Variants in PCDH15 observed in about 807,000 individuals in gnomAD.
PCDH15 encodes the protein protocadherin-15.
Under a neutral mutation model 178.5 loss-of-function variants are expected in PCDH15, and 129 were observed. The observed-to-expected ratio is 0.72, with a 90% CI of 0.63 to 0.84. The LOEUF is 0.84. Among genes scored for constraint, PCDH15 ranks in the 40% least tolerant of loss-of-function variants. The pLI is 0.00. For missense variants in PCDH15, 2,230 were observed against 2,099.9 expected, an observed-to-expected ratio of 1.06 and a Z score of -1.21; for synonymous variants, 800 against 732.0, an observed-to-expected ratio of 1.09 and a Z score of -1.50.
intron 1 of PCDH15, among the ~76,000 whole-genome samples, chr10:55,170,971 T>G (rs2132123100): frequency 6.6e-6 from 1 of 152,346 alleles, no homozygotes; most frequent in Admixed American, 6.5e-5. Context: ...ATACCTCACT[T>G]CCTGATGTAT....
intron 21 of PCDH15, among the ~76,000 whole-genome samples, chr10:53,990,259 G>A (rs1037140216): frequency 6.6e-6 from 1 of 151,896 alleles, no homozygotes; most frequent in Non-Finnish European, 1.5e-5. Context: ...GCTCTGAAAC[G>A]CTACAATAGT....
chr10:53,921,118 A>T (rs1394744405), intron 25 of PCDH15, among the ~76,000 whole-genome samples: 1 of 152,160 alleles, frequency 6.6e-6, no homozygotes, highest in Non-Finnish European at 1.5e-5. Context: ...AGTTCTTGCA[A>T]TATGTCATTA....
chr10:54,690,102 G>A (rs2095091048), intron 1 of PCDH15, among the ~76,000 whole-genome samples: 1 of 152,040 alleles, frequency 6.6e-6, no homozygotes, highest in Admixed American at 6.6e-5. Flanking sequence ...AGATTGGAAT[G>A]GAGCTGAAAA....
intron 15 of PCDH15, among the ~76,000 whole-genome samples, chr10:54,114,833 G>A (rs1380987056): frequency 6.6e-6 from 1 of 152,054 alleles, no homozygotes; most frequent in Non-Finnish European, 1.5e-5. Context: ...TGTTCCAGGA[G>A]GTCAGTAAGG....
intron 2 of PCDH15, among the ~76,000 whole-genome samples, chr10:55,358,954 G>A (rs1845149123): frequency 6.6e-6 from 1 of 152,038 alleles, no homozygotes; most frequent in Admixed American, 6.6e-5. Context: ...CGCTTTAAGA[G>A]GCTGAAATGG....
intron 2 of PCDH15, among the ~76,000 whole-genome samples, chr10:55,482,289 T>G (rs983006770): frequency 6.6e-6 from 1 of 151,854 alleles, no homozygotes; most frequent in Non-Finnish European, 1.5e-5. Context: ...AGATTGCCAC[T>G]CTGTGTCTTT....
intron 1 of PCDH15, among the ~76,000 whole-genome samples, chr10:54,726,434 GTGTGTGT>G (rs1566051967): frequency 0.032 from 4,751 of 150,164 alleles, 241 homozygotes; most frequent in African/African-American, 0.11. Context: ...GTGTGTGTGT[GTGTGTGT>G]GTGTGTGTGT....
At chr10:55,499,875 A>C (rs922926697) in intron 2 of PCDH15, among the ~76,000 whole-genome samples, 4 of 151,784 alleles carry the variant, frequency 2.6e-5, no homozygotes. Flanking sequence ...TAGGCTAAGT[A>C]AATGTGAAAG....
At chr10:54,949,213 G>T (rs1013810741) in intron 2 of PCDH15, among the ~76,000 whole-genome samples, 2 of 151,872 alleles carry the variant, frequency 1.3e-5, no homozygotes, top group African/African-American at 4.8e-5. Context: ...AGGAAACAAA[G>T]TTAATTGATA....
At chr10:54,955,793 C>T (rs2384585) in intron 2 of PCDH15, among the ~76,000 whole-genome samples, 51,943 of 150,774 alleles carry the variant, frequency 0.34, 9,584 homozygotes, top group East Asian at 0.68. Flanking sequence ...CTTGTAGCAG[C>T]GCAATTAATT....
At chr10:54,622,626 TAA>T (rs1242940160) in intron 2 of PCDH15, among the ~76,000 whole-genome samples, 944 of 42,934 alleles carry the variant, frequency 0.022, 38 homozygotes, top group African/African-American at 0.081. Context: ...ATAATATATA[TAA>T]TATATATTAT....
intron 2 of PCDH15, among the ~76,000 whole-genome samples, chr10:55,087,096 A>G (rs1842190399): frequency 6.6e-6 from 1 of 152,160 alleles, no homozygotes; most frequent in Non-Finnish European, 1.5e-5. Context: ...TATAATATAC[A>G]TGAGTAAATT....
At chr10:55,568,889 A>T (rs1187326675) in intron 2 of PCDH15, among the ~76,000 whole-genome samples, 2 of 152,044 alleles carry the variant, frequency 1.3e-5, no homozygotes. Context: ...CTGTCACTGC[A>T]TGCAGGATTC....
In PCDH15 at chr10:53,855,920, A is replaced by ATATATATATATATATATATATGTGTGTG. The variant is rs1201156130; in HGVS notation, c.3806+1254_3806+1255insCACACACATATATATATATATATATATA. 3.6e-5 allele frequency among the ~76,000 whole-genome samples: 5 copies of ATATATATATATATATATATATGTGTGTG among 140,408 alleles called. No homozygotes were observed. In the South Asian group the frequency reaches 7.2e-4, roughly 20 times the overall value. The allele number at this position is 140,408 out of a possible 152,430, so 92.1% of individuals were successfully genotyped here. A position where few individuals can be genotyped will look rare whatever the true frequency, so the allele number is the denominator to read the frequency against. On this transcript the variant is annotated intron_variant, in intron 28 of 37. Coordinates refer to ENST00000644397, the MANE Select transcript of PCDH15 (RefSeq NM_001384140.1). ...AGGTGATATGTATATATATATATAT[A>ATATATATATATATATATATATGTGTGTG]TGTATGTGTGTGTGTGTAATGAAAT...
intron 1 of PCDH15, among the ~76,000 whole-genome samples, chr10:55,230,393 T>A (rs1023114565): frequency 2.0e-5 from 3 of 152,080 alleles, no homozygotes; most frequent in Non-Finnish European, 4.4e-5. Context: ...GGCTTGTTAG[T>A]GATTTATAAA....
intron 1 of PCDH15, among the ~76,000 whole-genome samples, chr10:55,272,493 C>T (rs1842470739): frequency 6.6e-6 from 1 of 151,808 alleles, no homozygotes; most frequent in Non-Finnish European, 1.5e-5. Flanking sequence ...CAACCCCTGC[C>T]TCCTGGGTTC....
intron 21 of PCDH15, 92 bp downstream of exon 21, chr10:53,995,557 A>G: frequency 6.2e-7 from 1 of 1,609,678 alleles, no homozygotes; most frequent in South Asian, 1.1e-5. Flanking sequence ...ATTTACAGAG[A>G]CTACTTTTGC....
At chr10:55,015,190 C>T (rs985551722) in intron 2 of PCDH15, among the ~76,000 whole-genome samples, 2 of 152,052 alleles carry the variant, frequency 1.3e-5, no homozygotes, top group Non-Finnish European at 1.5e-5. Flanking sequence ...GATCCCACCA[C>T]ATTTTACACT....
At chr10:55,457,882 G>A (rs938469975) in intron 2 of PCDH15, among the ~76,000 whole-genome samples, 90 of 151,786 alleles carry the variant, frequency 5.9e-4, no homozygotes, top group African/African-American at 2.0e-3. Flanking sequence ...TTAATAAGTC[G>A]GCTAACTATT....
Sources: gnomAD v4.1 joint callset for allele counts (sites outside exome capture counted in the v4.1 genomes callset) on GRCh38, gnomAD v4.1.1 for gene constraint, MANE v1.5 for transcripts, NCBI Gene and HGNC (gene_info 2026-07-23, HGNC 2026-07-21) for gene names.